The following GHRHR variants were observed in gnomAD, a reference collection of about 807,000 sequenced individuals.
The protein encoded by GHRHR is growth hormone releasing hormone receptor.
GHRHR carries 40 observed loss-of-function variants against 58.3 expected under a neutral mutation model. That is an observed-to-expected ratio of 0.69 (90% CI 0.53 to 0.89). The LOEUF is 0.89. Among genes scored for constraint, GHRHR ranks in the 40% least tolerant of loss-of-function variants. GHRHR has a pLI of 0.00. For missense variants in GHRHR, 551 were observed against 541.3 expected (o/e 1.02, Z -0.18); for synonymous variants, 249 against 216.6 (o/e 1.15, Z -1.31).
intron 10 of GHRHR, 97 bp downstream of exon 10, chr7:30,975,965 C>T (rs939456972): frequency 3.1e-5 from 24 of 766,802 alleles, no homozygotes; most frequent in Non-Finnish European, 5.7e-5. Flanking sequence ...ACCTCAGCCC[C>T]ATACTCTTTC....
chr7:30,974,948 G>T (rs777602715), intron 8 of GHRHR, 23 bp from the exon 9 acceptor site: 2 of 1,559,690 alleles, frequency 1.3e-6, no homozygotes, highest in South Asian at 1.1e-5. Context: ...TTCCAACAAC[G>T]GCCTTCTTTC....
At chr7:30,966,946 T>C (rs933640306) in intron 1 of GHRHR, among the ~76,000 whole-genome samples, 8 of 152,230 alleles carry the variant, frequency 5.3e-5, no homozygotes, top group East Asian at 1.9e-4. Context: ...CCGGCCCCTG[T>C]CCTGCTTCTG....
At chr7:30,973,773 G>T (rs543195834) in intron 6 of GHRHR, among the ~76,000 whole-genome samples, 1 of 152,170 alleles carries the variant, frequency 6.6e-6, no homozygotes, top group Admixed American at 6.5e-5. Flanking sequence ...GAAATAGATA[G>T]TAAATTAGAA....
chr7:30,970,987 C>T (rs1792469002), intron 4 of GHRHR, 132 bp from the exon 5 acceptor site: 2 of 700,272 alleles, frequency 2.9e-6, no homozygotes, highest in South Asian at 1.5e-5. Flanking sequence ...CCATGGTACT[C>T]GCGGACACCT....
chr7:30,975,733 C>T (rs1419737034), intron 9 of GHRHR, 44 bp from the exon 10 acceptor site: 7 of 1,159,648 alleles, frequency 6.0e-6, no homozygotes, highest in Non-Finnish European at 9.1e-6. Context: ...CCCAAGGCTA[C>T]CCCCTGACCC....
intron 7 of GHRHR, 74 bp from the exon 8 acceptor site, chr7:30,974,355 G>A: frequency 8.4e-7 from 1 of 1,196,126 alleles, no homozygotes; most frequent in Non-Finnish European, 1.3e-6. Context: ...TGATGGTGGT[G>A]GTGGGAGGTG....
intron 8 of GHRHR, 128 bp downstream of exon 8, chr7:30,974,617 G>C: frequency 1.3e-6 from 1 of 764,280 alleles, no homozygotes; most frequent in Non-Finnish European, 2.4e-6. Flanking sequence ...AGGATGGGGG[G>C]TGGGAGAACA....
Position 30,964,095 on chromosome 7 carries a change from C to G in GHRHR, c.27C>G (p.His9Gln). 6.5e-7 allele frequency: 1 copy of G among 1,550,144 alleles called. No individual in the cohort carries two copies. The highest frequency in any genetic ancestry group is 1.2e-5 in the South Asian group (1 of 84,056). Residue 9 changes from histidine (H) to glutamine (Q), a missense_variant, in exon 1 of 13, where the codon CAC becomes CAG. Coordinates refer to ENST00000326139, the MANE Select transcript of GHRHR (RefSeq NM_000823.4). ...TGGACCGCCGGATGTGGGGGGCCCA[C>G]GTCTTCTGCGTGTTGAGCCCGTTAC... MDRRMWGA[H>Q]VFCVLSPLPT... is the part of the protein sequence containing the mutation.
intron 6 of GHRHR, 94 bp from the exon 7 acceptor site, chr7:30,973,891 G>A: frequency 7.9e-7 from 1 of 1,261,714 alleles, no homozygotes. Context: ...ACATGGAGGG[G>A]CCTGGAGGTT....
In GHRHR at chr7:30,979,488, C is replaced by G; in HGVS notation, c.*244C>G. On this transcript the variant is annotated 3_prime_UTR_variant, in exon 13 of 13. Transcript: ENST00000326139. ...ATTCCTCTTACTGGGGCCTGGGGCT[C>G]TAGCCCAAGGCTCAGAGGAGCCAAT... The G allele has an allele frequency of 2.1e-6, 1 of 486,346 alleles. No homozygotes were observed. Among genetic ancestry groups the G allele is most frequent in the South Asian group, 2.0e-5 (1 of 50,266 alleles). 30.1% of individuals were successfully genotyped at this position (486,346 alleles called of 1,614,324 possible).
Position 30,974,819 on chromosome 7 carries a change from C to T in GHRHR, c.813-152C>T, listed in dbSNP as rs902846846. On this transcript the variant is annotated intron_variant, in intron 8 of 12. Coordinates refer to ENST00000326139, the MANE Select transcript of GHRHR (RefSeq NM_000823.4). ...TGAGCCCAGCCTGGATTGGGGTGCC[C>T]CTTTGGGTGAGACCTTAACTGGCTG... is the stretch of plus-strand genomic sequence containing the variant. The T allele has an allele frequency of 2.4e-5, 18 of 740,050 alleles. No individual in the cohort carries two copies. In the African/African-American group the frequency reaches 2.9e-4, roughly 12 times the overall value. The allele number at this position is 740,050 out of a possible 1,614,324, so 45.8% of individuals were successfully genotyped here.
At chr7:30,974,688 G>A (rs940437292) in intron 8 of GHRHR, among the ~76,000 whole-genome samples, 199 bp downstream of exon 8, 2 of 152,112 alleles carry the variant, frequency 1.3e-5, no homozygotes, top group African/African-American at 2.4e-5. Flanking sequence ...AGATTCCCAG[G>A]GCTGTGGGGC....
chr7:30,965,122 G>A (rs1399046434), intron 1 of GHRHR, among the ~76,000 whole-genome samples: 1 of 152,180 alleles, frequency 6.6e-6, no homozygotes, highest in Non-Finnish European at 1.5e-5. Context: ...TGCATTGAGT[G>A]GAATCTGATT....
intron 4 of GHRHR, among the ~76,000 whole-genome samples, chr7:30,970,503 A>G (rs1792460680): frequency 6.6e-6 from 1 of 152,240 alleles, no homozygotes; most frequent in Admixed American, 6.5e-5. Context: ...TGAGAGGTAA[A>G]GCATGACTGT....
Position 30,969,072 on chromosome 7 carries a change from C to G in GHRHR, c.170C>G (p.Ala57Gly). Residue 57 changes from alanine to glycine, a missense_variant, in exon 3 of 13, where the codon GCG becomes GGG. Transcript: ENST00000326139. ...EMPNTTLGCP[A>G]TWDGLLCWPT... ...CTGGCTCTCTATCCAGGCTGCCCTG[C>G]GACCTGGGATGGGCTGCTGTGCTGG... is the stretch of plus-strand genomic sequence containing the variant. 6.3e-7 allele frequency: 1 copy of G among 1,579,110 alleles called. No homozygotes were observed. The highest frequency in any genetic ancestry group is 1.7e-4 in the Middle Eastern group (1 of 6,018).
intron 1 of GHRHR, among the ~76,000 whole-genome samples, chr7:30,967,599 G>A (rs940010466): frequency 1.7e-5 from 1 of 58,352 alleles, no homozygotes; most frequent in Non-Finnish European, 3.1e-5. Flanking sequence ...CCAGTCATCT[G>A]TCTATCCATC....
rs1157327289 is a variant in GHRHR, at chr7:30,971,208, T to G, written c.456T>G (p.Val152=). 3 of 1,443,876 alleles carry G rather than the reference T, an allele frequency of 2.1e-6. No homozygotes were observed. The highest frequency in any genetic ancestry group is 2.9e-6 in the Non-Finnish European group (3 of 1,046,392). 89.4% of individuals were successfully genotyped at this position (1,443,876 alleles called of 1,614,324 possible). ...TCTTCGTGGCCATCACCATCCTGGT[T>G]GCTCTCAGGTTTGTCATCCTCATCA... ...VALFVAITIL[V]ALRRLHCPRN... Residue 152 remains valine (V), a synonymous_variant, in exon 5 of 13, where the codon GTT becomes GTG. Coordinates refer to ENST00000326139, the MANE Select transcript of GHRHR (RefSeq NM_000823.4).
intron 12 of GHRHR, 90 bp from the exon 13 acceptor site, chr7:30,979,029 C>T (rs925986989): frequency 2.4e-6 from 3 of 1,245,510 alleles, no homozygotes; most frequent in African/African-American, 2.9e-5. Flanking sequence ...GTTTCTCTTA[C>T]ACGGCCTCTC....
Position 30,970,052 on chromosome 7 carries a change from C to A in GHRHR, c.366+88C>A, listed in dbSNP as rs184820348. On this transcript the variant is annotated intron_variant, in intron 4 of 12. Transcript: ENST00000326139. ...AACTGTAGGGGCCGCCATTCTCTAG[C>A]CTGCAGATTGGAATACTACTTACAG... 7.9e-4 allele frequency: 616 copies of A among 779,934 alleles called. 1 individual carries two copies. The highest frequency in any genetic ancestry group is 7.8e-3 in the African/African-American group (461 of 59,302). The allele number at this position is 779,934 out of a possible 1,614,324, so 48.3% of individuals were successfully genotyped here.
Sources: allele counts gnomAD v4.1 joint callset (sites outside exome capture counted in the v4.1 genomes callset), GRCh38; gene constraint gnomAD v4.1.1; transcripts MANE v1.5; gene names NCBI Gene and HGNC (gene_info 2026-07-23, HGNC 2026-07-21).